Variants in CTNNA3 observed in about 807,000 individuals in gnomAD.
CTNNA3 encodes catenin alpha-3.
In CTNNA3, 76 loss-of-function variants were observed where a neutral mutation model predicts 95.7. The ratio of observed to expected loss-of-function variants is 0.79; its 90% CI spans 0.66 to 0.96. The LOEUF is 0.96. CTNNA3 is among the 40% of genes least tolerant of loss of function. The pLI is 0.00. For synonymous variants in CTNNA3, 431 were observed against 374.4 expected, an observed-to-expected ratio of 1.15 and a Z score of -1.74; for missense variants, 1,191 against 1,089.8, an observed-to-expected ratio of 1.09 and a Z score of -1.31.
intron 5 of CTNNA3, among the ~76,000 whole-genome samples, chr10:67,411,859 T>C (rs1179334532): frequency 6.6e-6 from 1 of 152,114 alleles, no homozygotes; most frequent in Non-Finnish European, 1.5e-5. Flanking sequence ...TATTTCTGTC[T>C]TGCATTTAAA....
At chr10:66,642,660 T>C (rs180710575) in intron 9 of CTNNA3, among the ~76,000 whole-genome samples, 23 of 152,184 alleles carry the variant, frequency 1.5e-4, no homozygotes, top group Admixed American at 1.3e-4. Context: ...TATATATATA[T>C]AATAAACATT....
chr10:66,686,509 A>G (rs61866028), intron 9 of CTNNA3, among the ~76,000 whole-genome samples: 2,647 of 152,296 alleles, frequency 0.017, 39 homozygotes, highest in Non-Finnish European at 0.025. Context: ...CAATAAATAA[A>G]TAAGAAGCTG....
chr10:67,077,636 G>C (rs114303119), intron 7 of CTNNA3, among the ~76,000 whole-genome samples: 1,598 of 152,226 alleles, frequency 0.01, 29 homozygotes, highest in African/African-American at 0.036. Flanking sequence ...CTGAAAGACT[G>C]GTTCCCTGTA....
chr10:67,624,509 A>G (rs1843961375), intron 2 of CTNNA3, among the ~76,000 whole-genome samples: 1 of 152,150 alleles, frequency 6.6e-6, no homozygotes, highest in South Asian at 2.1e-4. Context: ...TGAGGTAATC[A>G]TTCTCCTACT....
rs574681868 is a variant in CTNNA3 at position 67,353,027 on chromosome 10, G to C, written c.580-133157C>G. Among the ~76,000 whole-genome samples the C allele has an allele frequency of 2.6e-5, 4 of 152,092 alleles. No individual in the cohort carries two copies. The South Asian group carries it at 8.3e-4, about 32-fold the overall frequency. On this transcript the variant is annotated intron_variant, in intron 5 of 17. Transcript: ENST00000433211. ...CTAAGTGTCACATCTTTGAGGGCCAGCACTACGTTTCCAAAATGGGAAAGG... is the reference window on the plus strand; with the variant it reads ...CTAAGTGTCACATCTTTGAGGGCCACCACTACGTTTCCAAAATGGGAAAGG...
At position 67,418,980 on chromosome 10, in the gene CTNNA3, T is replaced by G. The variant is rs558933449; in HGVS notation, c.579+102862A>C. ...CATGATAAATATACATAATGTTTAT[T>G]TGTCAATTAAAATAAATTTTGTTTA... On this transcript the variant is annotated intron_variant, in intron 5 of 17. Coordinates refer to ENST00000433211, the MANE Select transcript of CTNNA3 (RefSeq NM_013266.4). Among the ~76,000 whole-genome samples, 5 of 152,340 alleles carry G rather than the reference T, an allele frequency of 3.3e-5. 1 individual carries two copies. In the South Asian group the frequency reaches 1.0e-3, roughly 32 times the overall value.
intron 7 of CTNNA3, among the ~76,000 whole-genome samples, chr10:66,816,515 C>G (rs1564701597): frequency 6.6e-6 from 1 of 152,102 alleles, no homozygotes; most frequent in East Asian, 1.9e-4. Context: ...AACAGAGCCC[C>G]AGAACACATG....
chr10:66,586,259 CCACAGATAA>C (rs1274095299), intron 10 of CTNNA3, among the ~76,000 whole-genome samples: 1 of 152,016 alleles, frequency 6.6e-6, no homozygotes, highest in African/African-American at 2.4e-5. Context: ...TAGGAGGTGC[CCACAGATAA>C]ACACAGGTTG....
chr10:66,936,614 T>C (rs1448685899), intron 7 of CTNNA3, among the ~76,000 whole-genome samples: 2 of 152,280 alleles, frequency 1.3e-5, no homozygotes, highest in African/African-American at 2.4e-5. Context: ...GTCAGTTTCA[T>C]GGTTGGAGTC....
chr10:66,356,128 T>C (rs1332952871), intron 12 of CTNNA3, among the ~76,000 whole-genome samples: 1 of 149,924 alleles, frequency 6.7e-6, no homozygotes, highest in African/African-American at 2.4e-5. Flanking sequence ...TTTTGTTTTT[T>C]TTTTTTTTTT....
intron 7 of CTNNA3, among the ~76,000 whole-genome samples, chr10:66,875,958 T>G (rs1370014756): frequency 5.9e-5 from 9 of 152,164 alleles, no homozygotes; most frequent in Non-Finnish European, 1.3e-4. Context: ...TGTGGCTCAT[T>G]GGCTGACGTG....
At chr10:66,199,783 ATATATATATATATATATATATATTTTTT>A (rs1464244538) in intron 13 of CTNNA3, among the ~76,000 whole-genome samples, 1 of 10,306 alleles carries the variant, frequency 9.7e-5, no homozygotes. Flanking sequence ...ATATATATAT[ATATATATATATATATATATATATTTTTT>A]TTTTTTTTTT....
chr10:66,771,145 A>G (rs1840070324), intron 8 of CTNNA3, among the ~76,000 whole-genome samples: 1 of 152,192 alleles, frequency 6.6e-6, no homozygotes, highest in Non-Finnish European at 1.5e-5. Context: ...CAGCAACTAA[A>G]GAATTAATCA....
chr10:65,963,804 A>G (rs1347355254), intron 17 of CTNNA3, among the ~76,000 whole-genome samples: 1 of 152,176 alleles, frequency 6.6e-6, no homozygotes, highest in Non-Finnish European at 1.5e-5. Context: ...CTTGCAATAT[A>G]GATGTAAGAA....
At chr10:66,713,371 A>T (rs1042108420) in intron 9 of CTNNA3, among the ~76,000 whole-genome samples, 3 of 152,068 alleles carry the variant, frequency 2.0e-5, no homozygotes, top group Admixed American at 2.0e-4. Context: ...GATCTCTTTT[A>T]TATGACAGTA....
At chr10:66,963,052 C>T (rs1359197371) in intron 7 of CTNNA3, among the ~76,000 whole-genome samples, 2 of 152,138 alleles carry the variant, frequency 1.3e-5, no homozygotes, top group South Asian at 2.1e-4. Flanking sequence ...TGCAGTAAGA[C>T]TCACACATAC....
intron 4 of CTNNA3, among the ~76,000 whole-genome samples, chr10:67,537,483 GC>G (rs1840522737): frequency 6.6e-6 from 1 of 152,154 alleles, no homozygotes; most frequent in Non-Finnish European, 1.5e-5. Flanking sequence ...GAGGTACTTT[GC>G]TTTTGTTTGA....
intron 15 of CTNNA3, among the ~76,000 whole-genome samples, chr10:66,005,193 T>C (rs751407688): frequency 1.3e-5 from 2 of 152,198 alleles, no homozygotes; most frequent in African/African-American, 2.4e-5. Flanking sequence ...TATAATATCA[T>C]TGGACCAACA....
At chr10:65,982,886 A>G (rs947392942) in intron 16 of CTNNA3, among the ~76,000 whole-genome samples, 4 of 151,524 alleles carry the variant, frequency 2.6e-5, no homozygotes, top group Non-Finnish European at 5.9e-5. Context: ...TAATCATGAT[A>G]TAATGAAGGC....
Sources: gnomAD v4.1 joint callset for allele counts (sites outside exome capture counted in the v4.1 genomes callset) on GRCh38, gnomAD v4.1.1 for gene constraint, MANE v1.5 for transcripts, NCBI Gene and HGNC (gene_info 2026-07-23, HGNC 2026-07-21) for gene names.